Variants in NKAIN2 observed in about 807,000 individuals in gnomAD.
NKAIN2 encodes sodium/potassium transporting ATPase interacting 2, also known as sodium/potassium-transporting ATPase subunit beta-1-interacting protein 2.
Under a neutral mutation model 32.6 loss-of-function variants are expected in NKAIN2, and 14 were observed. The ratio of observed to expected loss-of-function variants is 0.43; its 90% confidence interval spans 0.28 to 0.67. NKAIN2 has a LOEUF of 0.67. Ranked by LOEUF, NKAIN2 falls within the 30% of genes least tolerant of loss-of-function variation. The pLI is 0.17. For missense variants in NKAIN2, 198 were observed against 258.3 expected (o/e 0.77, Z 1.60); for synonymous variants, 80 against 87.2 (o/e 0.92, Z 0.46).
intron 3 of NKAIN2, among the ~76,000 whole-genome samples, chr6:124,652,941 C>T (rs538166405): frequency 6.6e-6 from 1 of 152,234 alleles, no homozygotes; most frequent in East Asian, 1.9e-4. Flanking sequence ...TACATTCAAA[C>T]TACAGCAAAA....
chr6:124,443,055 T>C (rs539992596), intron 3 of NKAIN2, among the ~76,000 whole-genome samples: 89 of 152,208 alleles, frequency 5.8e-4, no homozygotes, highest in Non-Finnish European at 9.4e-4. Context: ...TATAAGGTAT[T>C]GTTTGCTTTT....
chr6:124,809,570 T>G (rs1178321292), intron 5 of NKAIN2, among the ~76,000 whole-genome samples: 1 of 150,542 alleles, frequency 6.6e-6, no homozygotes, highest in African/African-American at 2.4e-5. Flanking sequence ...GACATAGGCA[T>G]GGGCAAGGAC....
At chr6:124,342,091 G>A (rs911882932) in intron 2 of NKAIN2, among the ~76,000 whole-genome samples, 1 of 152,208 alleles carries the variant, frequency 6.6e-6, no homozygotes, top group Non-Finnish European at 1.5e-5. Flanking sequence ...TGTTTTATGA[G>A]TATACATTTA....
chr6:123,829,809 T>C (rs1774300826), intron 1 of NKAIN2, among the ~76,000 whole-genome samples: 1 of 152,182 alleles, frequency 6.6e-6, no homozygotes, highest in South Asian at 2.1e-4. Flanking sequence ...TCAGCCAGTT[T>C]CCCAAAATAA....
At chr6:124,110,074 C>G (rs1031298162) in intron 1 of NKAIN2, among the ~76,000 whole-genome samples, 1 of 150,744 alleles carries the variant, frequency 6.6e-6, no homozygotes, top group African/African-American at 2.4e-5. Flanking sequence ...GGTTTCTTTG[C>G]CTGGCTTTGA....
intron 2 of NKAIN2, among the ~76,000 whole-genome samples, chr6:124,346,033 G>A: frequency 6.6e-6 from 1 of 151,976 alleles, no homozygotes; most frequent in Non-Finnish European, 1.5e-5. Flanking sequence ...GGTATGTTGT[G>A]TCTTTGTTCT....
intron 4 of NKAIN2, among the ~76,000 whole-genome samples, chr6:124,662,656 T>C (rs1173894142): frequency 6.6e-6 from 1 of 152,242 alleles, no homozygotes; most frequent in African/African-American, 2.4e-5. Flanking sequence ...TAAGACTTAC[T>C]GAGGATACCG....
chr6:124,566,636 A>G (rs930480397), intron 3 of NKAIN2, among the ~76,000 whole-genome samples: 5 of 152,174 alleles, frequency 3.3e-5, no homozygotes, highest in African/African-American at 9.7e-5. Context: ...AGATTTTGGT[A>G]CTCAAAAAGT....
chr6:124,699,093 T>C (rs1015904154), intron 4 of NKAIN2, among the ~76,000 whole-genome samples: 1 of 152,176 alleles, frequency 6.6e-6, no homozygotes, highest in Non-Finnish European at 1.5e-5. Flanking sequence ...CAAAGCTTAG[T>C]GGCTTAAAGC....
intron 3 of NKAIN2, among the ~76,000 whole-genome samples, chr6:124,385,305 G>A (rs981385472): frequency 6.6e-6 from 1 of 152,122 alleles, no homozygotes; most frequent in Non-Finnish European, 1.5e-5. Flanking sequence ...TGTGAAAGGA[G>A]AAACAGGAGT....
rs532895474 is a variant in NKAIN2 at position 124,279,720 on chromosome 6, G to A, written c.55-3285G>A. Among the ~76,000 whole-genome samples the A allele has an allele frequency of 2.6e-5, 4 of 151,874 alleles. No homozygotes were observed. The East Asian group carries it at 5.8e-4, about 22-fold the overall frequency. On this transcript the variant is annotated intron_variant, in intron 1 of 6. Coordinates refer to ENST00000368417, the MANE Select transcript of NKAIN2 (RefSeq NM_001040214.3). ...TCCAAACTAAAAATGTGCTAAAAAT[G>A]ATATGCCATCCCAAGTAGGGATTTT...
At chr6:124,192,251 G>A (rs1790057545) in intron 1 of NKAIN2, among the ~76,000 whole-genome samples, 1 of 151,950 alleles carries the variant, frequency 6.6e-6, no homozygotes, top group African/African-American at 2.4e-5. Flanking sequence ...GTCCCTCCAA[G>A]CACTATTTTC....
chr6:124,269,438 TTTCTTTC>T (rs1794648773), intron 1 of NKAIN2, among the ~76,000 whole-genome samples: 1 of 53,690 alleles, frequency 1.9e-5, no homozygotes, highest in African/African-American at 2.6e-4. Context: ...TTTTCTTTTC[TTTCTTTC>T]TTTCTTTCTT....
At chr6:124,331,477 C>A (rs1187843599) in intron 2 of NKAIN2, among the ~76,000 whole-genome samples, 2 of 135,750 alleles carry the variant, frequency 1.5e-5, no homozygotes, top group African/African-American at 5.6e-5. Flanking sequence ...TGCAGTGAGC[C>A]AAGATCATGC....
At chr6:123,963,581 G>A (rs1777947480) in intron 1 of NKAIN2, among the ~76,000 whole-genome samples, 1 of 152,142 alleles carries the variant, frequency 6.6e-6, no homozygotes, top group Non-Finnish European at 1.5e-5. Flanking sequence ...TTGTTATGAA[G>A]ATTAAATACA....
intron 2 of NKAIN2, among the ~76,000 whole-genome samples, chr6:124,305,338 T>A (rs981314289): frequency 1.3e-5 from 2 of 152,198 alleles, no homozygotes; most frequent in Non-Finnish European, 2.9e-5. Flanking sequence ...GGAACCAAAT[T>A]AGGCTGTGGT....
chr6:124,574,558 G>A (rs1378993996), intron 3 of NKAIN2, among the ~76,000 whole-genome samples: 1 of 152,200 alleles, frequency 6.6e-6, no homozygotes, highest in Non-Finnish European at 1.5e-5. Context: ...TGCAGAGGTT[G>A]CAGTGAGCTG....
At chr6:124,769,601 T>A (rs960794571) in intron 4 of NKAIN2, among the ~76,000 whole-genome samples, 5 of 152,134 alleles carry the variant, frequency 3.3e-5, no homozygotes, top group African/African-American at 9.7e-5. Flanking sequence ...TGAGGAAGAT[T>A]GTTTTCCCTG....
chr6:124,224,096 A>G (rs904154259), intron 1 of NKAIN2, among the ~76,000 whole-genome samples: 2 of 152,122 alleles, frequency 1.3e-5, no homozygotes, highest in Non-Finnish European at 2.9e-5. Flanking sequence ...ACTTCTGTGT[A>G]TGGGGGGGAT....
Sources: allele counts gnomAD v4.1 joint callset (sites outside exome capture counted in the v4.1 genomes callset), GRCh38; gene constraint gnomAD v4.1.1; transcripts MANE v1.5; gene names NCBI Gene and HGNC (gene_info 2026-07-23, HGNC 2026-07-21).